Variants in MUC17 observed in about 807,000 individuals in gnomAD.
The protein encoded by MUC17 is mucin 17, cell surface associated.
Under a neutral mutation model 170.3 loss-of-function variants are expected in MUC17, and 190 were observed. The ratio of observed to expected loss-of-function variants is 1.12; its 90% CI spans 0.99 to 1.26. The LOEUF (loss-of-function observed/expected upper bound fraction) is 1.26, where lower values mean the gene tolerates loss of function less well. MUC17 is among the 50% of genes most tolerant of loss of function. MUC17 has a pLI of 0.00. For synonymous variants in MUC17, 2,325 were observed against 2,002.5 expected (o/e 1.16, Z -4.30); for missense variants, 6,415 against 5,530.0 (o/e 1.16, Z -5.08).
At chr7:101,053,200 C>T in intron 10 of MUC17, 53 bp downstream of exon 10, 1 of 1,593,440 alleles carries the variant, frequency 6.3e-7, no homozygotes, top group Non-Finnish European at 8.6e-7. Context: ...TCCTCCTCTT[C>T]CTCTGAACCC....
chr7:101,033,615 T>C lies in MUC17; in HGVS notation c.2199T>C (p.Asp733=), dbSNP rs71557220. The part of the protein sequence containing the change: ...TEASSSPTTA[D]GASMPTSTPS... ...CCAGTTCCTCTCCTACAACTGCTGA[T>C]GGTGCCAGTATGCCAACCTCAACTC... Residue 733 remains aspartate (D), a synonymous_variant, in exon 3 of 13, where the codon GAT becomes GAC. Transcript: ENST00000306151. 2.4e-4 allele frequency: 382 copies of C among 1,586,140 alleles called. 1 individual carries two copies. In the African/African-American group the frequency reaches 4.7e-3, roughly 19 times the overall value.
At chr7:101,021,556 C>T (rs536368990) in intron 1 of MUC17, among the ~76,000 whole-genome samples, 1 of 152,128 alleles carries the variant, frequency 6.6e-6, no homozygotes, top group Admixed American at 6.5e-5. Context: ...CCTTCCCCCT[C>T]TCTTCTCTTT....
At position 101,043,442 on chromosome 7, in the gene MUC17, C is replaced by G; in HGVS notation, c.12026C>G (p.Thr4009Ser). 5 of 1,614,194 alleles carry G rather than the reference C, an allele frequency of 3.1e-6. No homozygotes were observed. Among genetic ancestry groups the G allele is most frequent in the Non-Finnish European group, 4.2e-6 (5 of 1,180,040 alleles). The change falls in exon 3 of 13, where the codon ACT becomes AGT. Residue 4009 changes from threonine (T) to serine (S), a missense_variant. Thr to Ser is a moderately conservative substitution (Grantham distance 58). Coordinates refer to ENST00000306151, the MANE Select transcript of MUC17 (RefSeq NM_001040105.2). ...CCCCTCACATATGTGACCATGTCTACTGCCCCCAGCACACCCAGAACAACC... is the reference window on the plus strand; with the variant it reads ...CCCCTCACATATGTGACCATGTCTAGTGCCCCCAGCACACCCAGAACAACC... Reference protein sequence around the residue: ...AAPLTYVTMSTAPSTPRTTSR... With the variant: ...AAPLTYVTMSSAPSTPRTTSR...
chr7:101,048,588 C>A (rs371622652), intron 4 of MUC17, among the ~76,000 whole-genome samples: 1 of 144,790 alleles, frequency 6.9e-6, no homozygotes, highest in Non-Finnish European at 1.5e-5. Flanking sequence ...AGAACAATAC[C>A]CTGTCAAAAA....
chr7:101,020,283 C>T (rs1323149457), intron 1 of MUC17, 66 bp downstream of exon 1: 5 of 1,416,660 alleles, frequency 3.5e-6, no homozygotes, highest in Non-Finnish European at 9.6e-7. Context: ...GCTCTGTCTG[C>T]CCATCCCCGA....
rs1256655487 is a variant in MUC17 at position 101,040,076 on chromosome 7, G to C, written c.8660G>C (p.Ser2887Thr). Residue 2887 changes from serine (S) to threonine (T), a missense_variant, in exon 3 of 13, where the codon AGC becomes ACC. Coordinates refer to ENST00000306151, the MANE Select transcript of MUC17 (RefSeq NM_001040105.2). ...ACGCCGGTGGCCAGTTCTGAGGCTA[G>C]CACCCTTTCAACAACTCCTGTTGAT... ...STTPVASSEA[S>T]TLSTTPVDTS... The C allele has an allele frequency of 7.4e-6, 12 of 1,613,012 alleles. No homozygotes were observed. The highest frequency in any genetic ancestry group is 1.0e-5 in the Non-Finnish European group (12 of 1,179,616).
chr7:101,048,198 T>A (rs1395391403), intron 4 of MUC17, 83 bp downstream of exon 4: 2 of 1,377,296 alleles, frequency 1.5e-6, no homozygotes, highest in Non-Finnish European at 1.9e-6. Flanking sequence ...CCCACCTTGA[T>A]GTGAGGCCAG....
chr7:101,035,890 G>C lies in MUC17; in HGVS notation c.4474G>C (p.Val1492Leu), dbSNP rs958739073. 8.1e-6 allele frequency: 13 copies of C among 1,610,516 alleles called. No individual in the cohort carries two copies. Among genetic ancestry groups the C allele is most frequent in the Middle Eastern group, 1.7e-4 (1 of 6,040 alleles). The change falls in exon 3 of 13, where the codon GTC becomes CTC. Residue 1492 changes from valine (V) to leucine (L), a missense_variant. Coordinates refer to ENST00000306151, the MANE Select transcript of MUC17 (RefSeq NM_001040105.2). ...CAGTCCTGTGGTCACTTCTACAGCA[G>C]TCAGTTCATCTCCTACACCTGCTGA... ...SNSPVVTSTA[V>L]SSSPTPAEGT...
chr7:101,043,945 C>A, intron 3 of MUC17, 126 bp downstream of exon 3: 4 of 880,014 alleles, frequency 4.5e-6, no homozygotes, highest in Non-Finnish European at 6.8e-6. Flanking sequence ...CACCCATTAA[C>A]TCATCATTTA....
At position 101,043,609 on chromosome 7, in the gene MUC17, A is replaced by G. The variant is rs1217796018; in HGVS notation, c.12193A>G (p.Thr4065Ala). The change falls in exon 3 of 13, where the codon ACA (threonine) becomes GCA (alanine). Residue 4065 changes from threonine (T) to alanine (A), a missense_variant. By Grantham distance (58) the Thr-to-Ala change is moderately conservative. Coordinates refer to ENST00000306151, the MANE Select transcript of MUC17 (RefSeq NM_001040105.2). ...AATTACTTCTCACACCATCCCACCTACATTTCCTCCTGCTCACTCCAGTAC... is the reference window on the plus strand; with the variant it reads ...AATTACTTCTCACACCATCCCACCTGCATTTCCTCCTGCTCACTCCAGTAC... Reference protein sequence around the residue: ...STITSHTIPPTFPPAHSSTPP... With the variant: ...STITSHTIPPAFPPAHSSTPP... The G allele has an allele frequency of 1.2e-6, 2 of 1,614,008 alleles. No individual in the cohort carries two copies. Among genetic ancestry groups the G allele is most frequent in the Non-Finnish European group, 1.7e-6 (2 of 1,179,998 alleles).
chr7:101,052,257 C>T (rs1794962199), intron 9 of MUC17, among the ~76,000 whole-genome samples: 1 of 152,204 alleles, frequency 6.6e-6, no homozygotes, highest in African/African-American at 2.4e-5. Flanking sequence ...GAGACAGAGC[C>T]TTGCTCTCTC....
At chr7:101,021,197 T>C (rs112472059) in intron 1 of MUC17, among the ~76,000 whole-genome samples, 3 of 147,506 alleles carry the variant, frequency 2.0e-5, no homozygotes, top group Admixed American at 2.0e-4. Context: ...TTTTTTTTTT[T>C]TTTTTTGAGA....
In MUC17 at chr7:101,041,328, T is replaced by G; in HGVS notation, c.9912T>G (p.Thr3304=). The G allele has an allele frequency of 1.9e-6, 3 of 1,611,198 alleles. No homozygotes were observed. The highest frequency in any genetic ancestry group is 2.5e-6 in the Non-Finnish European group (3 of 1,178,304). The change falls in exon 3 of 13, where the codon ACT becomes ACG. Residue 3304 remains threonine, a synonymous_variant. Transcript: ENST00000306151. ...CTGAAACGAGCACCCTTTCAACAAC[T>G]CCTGCTGACACCAGCACACCTGTGA... The part of the protein sequence containing the change: ...ASSETSTLST[T]PADTSTPVTT...
In MUC17 at chr7:101,042,121, T is replaced by A. The variant is rs1794731185; in HGVS notation, c.10705T>A (p.Ser3569Thr). Residue 3569 changes from serine (S) to threonine (T), a missense_variant, in exon 3 of 13, where the codon TCT (serine) becomes ACT (threonine). Ser to Thr is a moderately conservative substitution (Grantham distance 58). Coordinates refer to ENST00000306151, the MANE Select transcript of MUC17 (RefSeq NM_001040105.2). ...TCTTCAGGTCACCACTATGCGTATG[T>A]CTACTCCAAGTGAAGGAAGCTCTTC... ...ATLQVTTMRM[S>T]TPSEGSSSLT... 1.9e-6 allele frequency: 3 copies of A among 1,614,170 alleles called. No homozygotes were observed. Among genetic ancestry groups the A allele is most frequent in the Non-Finnish European group, 2.5e-6 (3 of 1,180,024 alleles).
rs774521495 is a variant in MUC17, at chr7:101,038,987, C to T, written c.7571C>T (p.Thr2524Ile). 2 of 1,614,122 alleles carry T rather than the reference C, an allele frequency of 1.2e-6. No individual in the cohort carries two copies. The highest frequency in any genetic ancestry group is 1.7e-6 in the Non-Finnish European group (2 of 1,180,010). Residue 2524 changes from threonine to isoleucine, a missense_variant, in exon 3 of 13, where the codon ACC (threonine) becomes ATC (isoleucine). By Grantham distance (89) the Thr-to-Ile change is moderately conservative. Transcript: ENST00000306151. ...CTATTAACAAGTATACCTGTCAGCA[C>T]CACGCCAGTGGCCAGTCCTGAGGCT... The part of the protein sequence containing the change: ...STLLTSIPVS[T>I]TPVASPEAST...
intron 12 of MUC17, among the ~76,000 whole-genome samples, chr7:101,057,678 G>A (rs148156739): frequency 1.1e-3 from 173 of 152,262 alleles, no homozygotes; most frequent in African/African-American, 4.1e-3. Flanking sequence ...CCAGGAGTTT[G>A]AGATCACCCT....
In MUC17 at chr7:101,033,052, A is replaced by G. The variant is rs1794342941; in HGVS notation, c.1636A>G (p.Ser546Gly). ...VDTSTPVTTS[S>G]EASSSSTTPE... ...CACCAGCACACCTGTGACCACTTCTAGTGAAGCCAGTTCATCTTCTACAAC... is the reference window on the plus strand; with the variant it reads ...CACCAGCACACCTGTGACCACTTCTGGTGAAGCCAGTTCATCTTCTACAAC... Residue 546 changes from serine to glycine, a missense_variant, in exon 3 of 13, where the codon AGT becomes GGT. Coordinates refer to ENST00000306151, the MANE Select transcript of MUC17 (RefSeq NM_001040105.2). 1.2e-6 allele frequency: 2 copies of G among 1,613,396 alleles called. No homozygotes were observed. The highest frequency in any genetic ancestry group is 8.5e-7 in the Non-Finnish European group (1 of 1,179,898).
rs757404336 is a variant in MUC17 at position 101,042,615 on chromosome 7, ATCT to A, written c.11203_11205del (p.Ser3735del). ...TGACCACTTCTACTGAAGCCATTTC[ATCT>A]TCTGCAACTCTTGACAGCACCACCA... On this transcript the variant is annotated inframe_deletion, in exon 3 of 13. Transcript: ENST00000306151. The A allele has an allele frequency of 5.3e-5, 85 of 1,613,992 alleles. No homozygotes were observed. The highest frequency in any genetic ancestry group is 7.0e-5 in the Non-Finnish European group (83 of 1,180,038).
rs565589818 is a variant in MUC17, at chr7:101,036,785, C to A, written c.5369C>A (p.Pro1790His). ...ACTTCTACTGAAGCCACTTCGTCTCCTACAACTGCTGAAGGTACCAGCATA... is the reference window on the plus strand; with the variant it reads ...ACTTCTACTGAAGCCACTTCGTCTCATACAACTGCTGAAGGTACCAGCATA... ...VTTSTEATSS[P>H]TTAEGTSIPT... The change falls in exon 3 of 13, where the codon CCT becomes CAT. Residue 1790 changes from proline to histidine, a missense_variant. Transcript: ENST00000306151. 6.2e-7 allele frequency: 1 copy of A among 1,606,368 alleles called. No homozygotes were observed. The highest frequency in any genetic ancestry group is 1.1e-5 in the South Asian group (1 of 89,860).
Sources: allele counts gnomAD v4.1 joint callset (sites outside exome capture counted in the v4.1 genomes callset), GRCh38; gene constraint gnomAD v4.1.1; transcripts MANE v1.5; gene names NCBI Gene and HGNC (gene_info 2026-07-23, HGNC 2026-07-21).